Variants in NOX4 observed in about 807,000 individuals in gnomAD.
The protein encoded by NOX4 is NADPH oxidase 4, also known as kidney oxidase-1.
In NOX4, 69 loss-of-function variants were observed where a neutral mutation model predicts 87.6. The ratio of observed to expected loss-of-function variants is 0.79; its 90% CI spans 0.65 to 0.96. The LOEUF (loss-of-function observed/expected upper bound fraction) is 0.96, where lower values mean the gene tolerates loss of function less well. Among genes scored for constraint, NOX4 ranks in the 40% least tolerant of loss-of-function variants. The probability of loss-of-function intolerance (pLI) is 0.00; values close to 1 mark genes in which losing one functional copy is unlikely to be tolerated. For missense variants in NOX4, 680 were observed against 681.5 expected (o/e 1.00, Z 0.02); for synonymous variants, 275 against 238.2 (o/e 1.15, Z -1.42).
chr11:89,588,985 T>C, the NOX4 span, among the ~76,000 whole-genome samples: 2 of 152,148 alleles, frequency 1.3e-5, no homozygotes, highest in Non-Finnish European at 2.9e-5. Flanking sequence ...CCAAGGTATC[T>C]CCTCAGCCAA....
intron 2 of NOX4, among the ~76,000 whole-genome samples, chr11:89,462,361 A>G (rs1037116613): frequency 2.6e-5 from 4 of 152,182 alleles, no homozygotes; most frequent in African/African-American, 7.2e-5. Flanking sequence ...ATAAAACTTG[A>G]CAAGCCGACT....
intron 7 of NOX4, among the ~76,000 whole-genome samples, chr11:89,429,030 C>T (rs1838206526): frequency 6.6e-6 from 1 of 152,204 alleles, no homozygotes; most frequent in South Asian, 2.1e-4. Flanking sequence ...ACAGTGCAAT[C>T]AAACTAGAAC....
At chr11:89,416,376 C>A (rs1942772767) in intron 8 of NOX4, among the ~76,000 whole-genome samples, 1 of 152,170 alleles carries the variant, frequency 6.6e-6, no homozygotes, top group South Asian at 2.1e-4. Flanking sequence ...GCAAGATGAC[C>A]AAGCTTTTCC....
chr11:89,507,315 G>C, the NOX4 span, among the ~76,000 whole-genome samples: 4 of 151,598 alleles, frequency 2.6e-5, no homozygotes, highest in Non-Finnish European at 4.4e-5. Flanking sequence ...TTTGTGAGAT[G>C]TTTTAATGTT....
At position 89,373,431 on chromosome 11, in the gene NOX4, C is replaced by T. The variant is rs201165492; in HGVS notation, c.1135+1G>A. The T allele has an allele frequency of 1.1e-5, 18 of 1,565,422 alleles. No homozygotes were observed. The African/African-American group carries it at 1.4e-4, about 12-fold the overall frequency. On this transcript the variant is annotated splice_donor_variant, in intron 12 of 17. Coordinates refer to ENST00000263317, the MANE Select transcript of NOX4 (RefSeq NM_016931.5). LOFTEE classifies it high-confidence loss of function. ...ATCTTAAAACTGTATGTTCTACATACCTGTCCAGTCTCCTACTATTTTAAG... is the reference window on the plus strand; with the variant it reads ...ATCTTAAAACTGTATGTTCTACATATCTGTCCAGTCTCCTACTATTTTAAG...
At chr11:89,345,199 C>A (rs543408991) in intron 13 of NOX4, among the ~76,000 whole-genome samples, 2 of 152,296 alleles carry the variant, frequency 1.3e-5, no homozygotes, top group South Asian at 4.1e-4. Context: ...GACTTGCTGA[C>A]TCAGAAGTCT....
the NOX4 span, among the ~76,000 whole-genome samples, chr11:89,521,747 C>T: frequency 1.3e-5 from 2 of 152,024 alleles, no homozygotes; most frequent in African/African-American, 2.4e-5. Flanking sequence ...AACAGACAAC[C>T]TACAGAATGG....
At chr11:89,476,694 A>C (rs1462014818) in intron 2 of NOX4, among the ~76,000 whole-genome samples, 1 of 152,194 alleles carries the variant, frequency 6.6e-6, no homozygotes, top group Non-Finnish European at 1.5e-5. Flanking sequence ...TGCTATTTGA[A>C]GCAGCAGGAT....
intron 8 of NOX4, 122 bp from the exon 9 acceptor site, chr11:89,402,664 CA>C: frequency 2.7e-6 from 2 of 745,072 alleles, no homozygotes; most frequent in Non-Finnish European, 2.2e-6. Context: ...AGCATTTATC[CA>C]AAAAGTGTTC....
chr11:89,368,723 C>T (rs369402543), intron 12 of NOX4, among the ~76,000 whole-genome samples: 185 of 152,166 alleles, frequency 1.2e-3, no homozygotes, highest in South Asian at 0.012. Context: ...GACACATTCA[C>T]ACCATGGGAA....
chr11:89,578,319 G>A, the NOX4 span, among the ~76,000 whole-genome samples: 4 of 151,948 alleles, frequency 2.6e-5, no homozygotes, highest in African/African-American at 4.8e-5. Flanking sequence ...ATGCCACCAC[G>A]CCCAGCTAAT....
chr11:89,497,998 T>A (rs1301543346), exon 1 of NOX4: 1 of 152,208 alleles, frequency 6.6e-6, no homozygotes, highest in Non-Finnish European at 1.5e-5. Flanking sequence ...ACACCTTACC[T>A]GGAGATGCTT....
intron 1 of NOX4, 98 bp downstream of exon 1, chr11:89,491,092 C>T: frequency 2.5e-6 from 3 of 1,212,654 alleles, no homozygotes; most frequent in Non-Finnish European, 3.6e-6. Flanking sequence ...TAAGACAAAA[C>T]TTCCACTTCC....
chr11:89,530,499 C>T, the NOX4 span, among the ~76,000 whole-genome samples: 1 of 148,426 alleles, frequency 6.7e-6, no homozygotes, highest in Non-Finnish European at 1.5e-5. Context: ...TGTGCCACCA[C>T]ATCTGTCTAC....
intron 2 of NOX4, among the ~76,000 whole-genome samples, chr11:89,483,627 T>G (rs891361973): frequency 6.6e-6 from 1 of 150,460 alleles, no homozygotes; most frequent in Non-Finnish European, 1.5e-5. Context: ...GTTGGGTAGC[T>G]GTTATTCAAA....
chr11:89,412,502 G>A (rs1942530983), intron 8 of NOX4, among the ~76,000 whole-genome samples: 1 of 151,988 alleles, frequency 6.6e-6, no homozygotes, highest in African/African-American at 2.4e-5. Flanking sequence ...AAATCAATAA[G>A]AGGAATTTTG....
At chr11:89,403,150 T>A (rs1358015323) in intron 8 of NOX4, among the ~76,000 whole-genome samples, 1 of 152,156 alleles carries the variant, frequency 6.6e-6, no homozygotes, top group East Asian at 1.9e-4. Flanking sequence ...AAATAATAAA[T>A]CAGGCAGGAG....
At chr11:89,507,305 T>C in the NOX4 span, among the ~76,000 whole-genome samples, 2 of 151,660 alleles carry the variant, frequency 1.3e-5, no homozygotes. Flanking sequence ...ATAAATGCAG[T>C]TTGTGAGATG....
chr11:89,500,466 T>A (rs1260039746), upstream of NOX4, among the ~76,000 whole-genome samples: 2 of 152,190 alleles, frequency 1.3e-5, no homozygotes, highest in Non-Finnish European at 2.9e-5. Flanking sequence ...CTGCTCTTCT[T>A]TCATTTAGCA....
Sources: gnomAD v4.1 joint callset for allele counts (sites outside exome capture counted in the v4.1 genomes callset) on GRCh38, gnomAD v4.1.1 for gene constraint, MANE v1.5 for transcripts, NCBI Gene and HGNC (gene_info 2026-07-23, HGNC 2026-07-21) for gene names.